CNTNAP2: variants seen among roughly 807,000 people sequenced by gnomAD.
CNTNAP2 encodes the protein contactin associated protein 2.
CNTNAP2 carries 98 observed loss-of-function variants against 155.2 expected under a neutral mutation model. That is an observed-to-expected ratio of 0.63 (90% confidence interval 0.54 to 0.75). The LOEUF is 0.75. Among genes scored for constraint, CNTNAP2 ranks in the 30% least tolerant of loss-of-function variants. The pLI is 0.00. For missense variants in CNTNAP2, 1,727 were observed against 1,688.1 expected, an observed-to-expected ratio of 1.02 and a Z score of -0.40; for synonymous variants, 651 against 631.2, an observed-to-expected ratio of 1.03 and a Z score of -0.47.
intron 1 of CNTNAP2, among the ~76,000 whole-genome samples, chr7:146,322,699 T>C (rs1801027903): frequency 7.4e-6 from 1 of 134,566 alleles, no homozygotes; most frequent in African/African-American, 2.6e-5. Context: ...CCCTCAATAT[T>C]TGTTGAGTGA....
chr7:147,364,615 C>G (rs532872668), intron 9 of CNTNAP2, among the ~76,000 whole-genome samples: 7 of 152,134 alleles, frequency 4.6e-5, no homozygotes, highest in Non-Finnish European at 8.8e-5. Context: ...TAAAAATATT[C>G]CTAACCAGCG....
At chr7:146,147,457 T>G (rs1797973356) in intron 1 of CNTNAP2, among the ~76,000 whole-genome samples, 1 of 152,182 alleles carries the variant, frequency 6.6e-6, no homozygotes, top group African/African-American at 2.4e-5. Context: ...GTAGCAGCAT[T>G]ATATTAGAAT....
At chr7:148,250,394 A>G (rs886700378) in intron 20 of CNTNAP2, among the ~76,000 whole-genome samples, 2 of 152,060 alleles carry the variant, frequency 1.3e-5, no homozygotes, top group Admixed American at 1.3e-4. Flanking sequence ...GAGGGTTAGG[A>G]TTTGGGGCTT....
intron 13 of CNTNAP2, among the ~76,000 whole-genome samples, chr7:147,814,165 C>CTTTT (rs1798229870): frequency 6.6e-6 from 1 of 152,094 alleles, no homozygotes; most frequent in Non-Finnish European, 1.5e-5. Context: ...GGTGAAATAC[C>CTTTT]ATTCTAGTTC....
chr7:147,335,660 G>A (rs1482276215), intron 9 of CNTNAP2, among the ~76,000 whole-genome samples: 1 of 152,084 alleles, frequency 6.6e-6, no homozygotes, highest in African/African-American at 2.4e-5. Context: ...AATGAAAAGA[G>A]AAATAAATTA....
At chr7:147,300,115 A>C (rs766136037) in intron 8 of CNTNAP2, 26 bp from the exon 9 acceptor site, 3 of 1,612,162 alleles carry the variant, frequency 1.9e-6, no homozygotes, top group Non-Finnish European at 2.5e-6. Flanking sequence ...TTAAGATAAA[A>C]ATGACTTTTA....
intron 21 of CNTNAP2, among the ~76,000 whole-genome samples, chr7:148,321,681 T>G (rs1242361409): frequency 6.6e-6 from 1 of 152,218 alleles, no homozygotes; most frequent in Non-Finnish European, 1.5e-5. Context: ...GATTCATGTA[T>G]TTCACAAAAT....
intron 1 of CNTNAP2, among the ~76,000 whole-genome samples, chr7:146,595,097 G>A (rs1459114730): frequency 6.6e-6 from 1 of 152,040 alleles, no homozygotes; most frequent in Non-Finnish European, 1.5e-5. Flanking sequence ...CAACCACTGT[G>A]TGGGTTGGCT....
chr7:146,118,653 C>T lies in CNTNAP2; in HGVS notation c.97+1680C>T, dbSNP rs573052345. Among the ~76,000 whole-genome samples the T allele has an allele frequency of 5.3e-5, 8 of 152,166 alleles. No individual in the cohort carries two copies. The East Asian group carries it at 1.5e-3, about 29-fold the overall frequency. The stretch of plus-strand genomic sequence containing the variant: ...TTGATGGGTCCATCTGAAACATCTG[C>T]CATGAGTAGCAAATGGAACACTGGC... On this transcript the variant is annotated intron_variant, in intron 1 of 23. Transcript: ENST00000361727.
At chr7:146,917,287 T>C (rs367947032) in intron 3 of CNTNAP2, among the ~76,000 whole-genome samples, 38 of 152,260 alleles carry the variant, frequency 2.5e-4, no homozygotes, top group African/African-American at 9.1e-4. Context: ...TATTCTGCAG[T>C]TGTTGGTTAG....
At chr7:146,818,569 C>T (rs1417385778) in intron 2 of CNTNAP2, among the ~76,000 whole-genome samples, 1 of 152,082 alleles carries the variant, frequency 6.6e-6, no homozygotes, top group African/African-American at 2.4e-5. Flanking sequence ...CGGAATCGGA[C>T]TCATCAGAAC....
intron 1 of CNTNAP2, among the ~76,000 whole-genome samples, chr7:146,410,983 T>A (rs1795856889): frequency 6.6e-6 from 1 of 152,140 alleles, no homozygotes; most frequent in African/African-American, 2.4e-5. Context: ...ATGGTATAAA[T>A]ACCAAATTCT....
intron 8 of CNTNAP2, among the ~76,000 whole-genome samples, chr7:147,155,465 A>G (rs1317769526): frequency 2.0e-5 from 3 of 152,042 alleles, no homozygotes; most frequent in Non-Finnish European, 2.9e-5. Flanking sequence ...CTATTAGAAC[A>G]TAGACATTTG....
At chr7:147,341,921 T>C (rs1792698972) in intron 9 of CNTNAP2, among the ~76,000 whole-genome samples, 1 of 152,322 alleles carries the variant, frequency 6.6e-6, no homozygotes, top group Middle Eastern at 3.4e-3. Context: ...TAGGTTGCTA[T>C]ACATTGCCAT....
chr7:148,166,437 T>C (rs1464298967), intron 17 of CNTNAP2, among the ~76,000 whole-genome samples: 4 of 152,156 alleles, frequency 2.6e-5, no homozygotes, highest in Non-Finnish European at 5.9e-5. Context: ...TGGGCAAAAG[T>C]ACTCAGGAAC....
At chr7:146,246,075 G>A (rs992021601) in intron 1 of CNTNAP2, among the ~76,000 whole-genome samples, 5 of 152,044 alleles carry the variant, frequency 3.3e-5, no homozygotes, top group Non-Finnish European at 7.3e-5. Context: ...CCATGCTGTA[G>A]CAGGCAAGTG....
chr7:148,338,139 C>T (rs928967886), intron 21 of CNTNAP2, among the ~76,000 whole-genome samples: 6 of 152,036 alleles, frequency 3.9e-5, no homozygotes, highest in East Asian at 1.9e-4. Flanking sequence ...ATTTCTGTCC[C>T]GACAGTTTGC....
At chr7:146,572,945 T>A (rs1026742912) in intron 1 of CNTNAP2, among the ~76,000 whole-genome samples, 7 of 152,160 alleles carry the variant, frequency 4.6e-5, no homozygotes, top group Admixed American at 1.3e-4. Flanking sequence ...ACTGGTGATA[T>A]GGGTTTCTGT....
intron 9 of CNTNAP2, among the ~76,000 whole-genome samples, chr7:147,308,815 T>G (rs1795075975): frequency 1.3e-5 from 2 of 152,126 alleles, no homozygotes; most frequent in Non-Finnish European, 2.9e-5. Context: ...GTTCCGAAAT[T>G]CCTCAGATCA....
Sources: gnomAD v4.1 joint callset for allele counts (sites outside exome capture counted in the v4.1 genomes callset) on GRCh38, gnomAD v4.1.1 for gene constraint, MANE v1.5 for transcripts, NCBI Gene and HGNC (gene_info 2026-07-23, HGNC 2026-07-21) for gene names.